The following SRGAP3 variants were observed in gnomAD, a reference collection of about 807,000 sequenced individuals.
The protein encoded by SRGAP3 is SLIT-ROBO Rho GTPase activating protein 3.
SRGAP3 carries 39 observed loss-of-function variants against 121.1 expected under a neutral mutation model. The ratio of observed to expected loss-of-function variants is 0.32; its 90% CI spans 0.25 to 0.42. The LOEUF (loss-of-function observed/expected upper bound fraction) is 0.42. SRGAP3 is among the 10% of genes least tolerant of loss of function. The pLI is 1.00. For synonymous variants in SRGAP3, 601 were observed against 570.0 expected, an observed-to-expected ratio of 1.05 and a Z score of -0.77; for missense variants, 1,213 against 1,470.6, an observed-to-expected ratio of 0.82 and a Z score of 2.86.
In SRGAP3 at chr3:9,038,079, C is replaced by T; in HGVS notation, c.1420G>A (p.Glu474Lys). 1 of 1,614,224 alleles carries T rather than the reference C, an allele frequency of 6.2e-7. No homozygotes were observed. ...CACTCTCACCTGGTGGTGCCGCATTCTGCTCTTTCCCCTGCAAAGAAAAGT... is the reference window on the plus strand; with the variant it reads ...CACTCTCACCTGGTGGTGCCGCATTTTGCTCTTTCCCCTGCAAAGAAAAGT... ...KQTLGEGERAECGTTRPPCLP... is the reference protein window; with the variant it reads ...KQTLGEGERAKCGTTRPPCLP... Residue 474 changes from glutamate (E) to lysine (K), a missense_variant, in exon 11 of 22, where the codon GAA becomes AAA. Coordinates refer to ENST00000383836, the MANE Select transcript of SRGAP3 (RefSeq NM_014850.4).
intron 3 of SRGAP3, among the ~76,000 whole-genome samples, chr3:9,287,522 C>T (rs1954796338): frequency 6.6e-6 from 1 of 152,130 alleles, no homozygotes; most frequent in Non-Finnish European, 1.5e-5. Context: ...TGGTTTCTCC[C>T]ATGTTCTCAC....
chr3:9,025,457 T>G (rs1046144016), intron 13 of SRGAP3, 119 bp from the exon 14 acceptor site: 2 of 1,156,216 alleles, frequency 1.7e-6, no homozygotes, highest in Admixed American at 1.9e-5. Context: ...CGATCCTTTA[T>G]AACAGAGTCG....
rs148709345 is a variant in SRGAP3 at position 9,053,283 on chromosome 3, A to C, written c.1126-59T>G. The stretch of plus-strand genomic sequence containing the variant: ...TATTCTCATACTGCCGTTGACACCT[A>C]AAGTCCCTTTCCCAGCTGTCACTTT... On this transcript the variant is annotated intron_variant, in intron 8 of 21. Coordinates refer to ENST00000383836, the MANE Select transcript of SRGAP3 (RefSeq NM_014850.4). The C allele has an allele frequency of 7.3e-4, 1,115 of 1,535,920 alleles. 11 individuals are homozygous for C. The Admixed American group carries it at 0.012, about 17-fold the overall frequency.
At chr3:9,099,670 T>C (rs1575072948) in intron 3 of SRGAP3, among the ~76,000 whole-genome samples, 2 of 152,252 alleles carry the variant, frequency 1.3e-5, no homozygotes, top group East Asian at 3.8e-4. Flanking sequence ...TCTCCATGTA[T>C]GGTCCCCAGA....
chr3:9,254,611 T>C (rs918617319), upstream of SRGAP3, among the ~76,000 whole-genome samples: 1 of 152,124 alleles, frequency 6.6e-6, no homozygotes, highest in Admixed American at 6.5e-5. Flanking sequence ...CTAGGCATCA[T>C]AGAGAGACCT....
intron 1 of SRGAP3, among the ~76,000 whole-genome samples, chr3:9,128,806 C>T (rs910206926): frequency 9.9e-5 from 15 of 152,098 alleles, no homozygotes; most frequent in Non-Finnish European, 1.0e-4. Flanking sequence ...GTTTGAAATC[C>T]ACAGATCTTG....
At chr3:9,003,120 G>A (rs145308256) in intron 18 of SRGAP3, among the ~76,000 whole-genome samples, 28 of 152,228 alleles carry the variant, frequency 1.8e-4, no homozygotes, top group African/African-American at 6.7e-4. Flanking sequence ...ACCAGACAAA[G>A]GTATCACAAG....
At chr3:8,992,639 A>T in intron 20 of SRGAP3, 1 of 561,320 alleles carries the variant, frequency 1.8e-6, no homozygotes, top group Non-Finnish European at 3.2e-6. Flanking sequence ...TATCTCTCTC[A>T]CACATTATTA....
At chr3:9,161,764 C>G (rs1464255663) in intron 1 of SRGAP3, among the ~76,000 whole-genome samples, 1 of 152,208 alleles carries the variant, frequency 6.6e-6, no homozygotes, top group Non-Finnish European at 1.5e-5. Flanking sequence ...ACAGGGATCT[C>G]ACTCATGCTG....
At chr3:9,323,599 G>A (rs576962736) in intron 3 of SRGAP3, among the ~76,000 whole-genome samples, 1 of 151,842 alleles carries the variant, frequency 6.6e-6, no homozygotes, top group African/African-American at 2.4e-5. Context: ...CTTGATCTCT[G>A]GGATCCAAGG....
intron 3 of SRGAP3, among the ~76,000 whole-genome samples, chr3:9,273,419 C>T (rs1954516812): frequency 6.6e-6 from 1 of 152,146 alleles, no homozygotes. Context: ...CTATCCAAGT[C>T]CTTTGCCAAA....
At chr3:9,006,937 T>A (rs986029676) in intron 18 of SRGAP3, 4 of 149,794 alleles carry the variant, frequency 2.7e-5, no homozygotes, top group African/African-American at 9.8e-5. Context: ...AGACTAGGCA[T>A]CAGTTGGGTA....
intron 18 of SRGAP3, 111 bp from the exon 19 acceptor site, chr3:8,994,634 T>C: frequency 7.1e-7 from 1 of 1,406,954 alleles, no homozygotes; most frequent in Non-Finnish European, 9.9e-7. Flanking sequence ...GCACAGCTGG[T>C]GAGAACATGG....
chr3:8,986,533 C>T (rs1941717695), intron 21 of SRGAP3, among the ~76,000 whole-genome samples: 1 of 152,196 alleles, frequency 6.6e-6, no homozygotes, highest in Admixed American at 6.5e-5. Context: ...GAAACTGAAG[C>T]TCAGACTGGT....
intron 8 of SRGAP3, among the ~76,000 whole-genome samples, chr3:9,053,906 T>C (rs898053027): frequency 1.3e-5 from 2 of 152,240 alleles, no homozygotes; most frequent in African/African-American, 4.8e-5. Context: ...TTCTTTGCTC[T>C]GGAGGCTGGT....
At chr3:9,169,811 G>A (rs552134981) in intron 1 of SRGAP3, among the ~76,000 whole-genome samples, 39 of 152,342 alleles carry the variant, frequency 2.6e-4, no homozygotes, top group African/African-American at 8.9e-4. Context: ...GAAGGAAGGG[G>A]ATCAGTGCTT....
At chr3:9,347,390 G>A (rs377725563) in intron 1 of SRGAP3, among the ~76,000 whole-genome samples, 1 of 152,182 alleles carries the variant, frequency 6.6e-6, no homozygotes, top group East Asian at 1.9e-4. Context: ...TGTAGAGACA[G>A]GGCAACTTTC....
chr3:9,164,494 T>C (rs1005515897), intron 1 of SRGAP3, among the ~76,000 whole-genome samples: 7 of 152,010 alleles, frequency 4.6e-5, no homozygotes, highest in Non-Finnish European at 8.8e-5. Context: ...TTCACCATGT[T>C]TGCCAGGCTG....
At chr3:9,282,579 C>T (rs776576203) in intron 3 of SRGAP3, among the ~76,000 whole-genome samples, 2 of 152,084 alleles carry the variant, frequency 1.3e-5, no homozygotes, top group Non-Finnish European at 2.9e-5. Context: ...CAACCTCTGC[C>T]TCCCAGGTTC....
Sources: allele counts gnomAD v4.1 joint callset (sites outside exome capture counted in the v4.1 genomes callset), GRCh38; gene constraint gnomAD v4.1.1; transcripts MANE v1.5; gene names NCBI Gene and HGNC (gene_info 2026-07-23, HGNC 2026-07-21).